The following CDK14 variants were observed in gnomAD, a reference collection of about 807,000 sequenced individuals.
CDK14 encodes cyclin-dependent kinase 14.
Under a neutral mutation model 60.7 loss-of-function variants are expected in CDK14, and 34 were observed. The ratio of observed to expected loss-of-function variants is 0.56; its 90% CI spans 0.43 to 0.75. The LOEUF is 0.75. Among genes scored for constraint, CDK14 ranks in the 30% least tolerant of loss-of-function variants. The pLI is 0.00. For missense variants in CDK14, 482 were observed against 564.1 expected (o/e 0.85, Z 1.47); for synonymous variants, 197 against 203.7 (o/e 0.97, Z 0.28).
At chr7:91,001,539 G>A (rs1795834016) in intron 10 of CDK14, among the ~76,000 whole-genome samples, 1 of 152,160 alleles carries the variant, frequency 6.6e-6, no homozygotes, top group Admixed American at 6.5e-5. Context: ...TCCTTCAATA[G>A]TGGCTCCGTT....
intron 2 of CDK14, among the ~76,000 whole-genome samples, chr7:90,676,368 A>G (rs1179793779): frequency 6.6e-6 from 1 of 152,062 alleles, no homozygotes; most frequent in Non-Finnish European, 1.5e-5. Flanking sequence ...GTGTCAAGGG[A>G]AGAGTGTACC....
intron 2 of CDK14, among the ~76,000 whole-genome samples, chr7:90,648,041 A>T (rs999595406): frequency 7.2e-5 from 11 of 152,044 alleles, no homozygotes; most frequent in Admixed American, 7.2e-4. Context: ...ATAATAAATT[A>T]CTCCTAAACT....
intron 2 of CDK14, among the ~76,000 whole-genome samples, chr7:90,725,163 A>T (rs1802589239): frequency 6.6e-6 from 1 of 152,140 alleles, no homozygotes; most frequent in Non-Finnish European, 1.5e-5. Flanking sequence ...ATGCTTTTCT[A>T]CTTTAGTGGT....
At chr7:90,606,487 C>G (rs1373332947) in intron 2 of CDK14, among the ~76,000 whole-genome samples, 1 of 152,126 alleles carries the variant, frequency 6.6e-6, no homozygotes, top group African/African-American at 2.4e-5. Flanking sequence ...TCATCATCGT[C>G]ATTGATGCTT....
intron 5 of CDK14, among the ~76,000 whole-genome samples, chr7:90,860,444 A>T (rs1790968643): frequency 6.6e-6 from 1 of 152,122 alleles, no homozygotes; most frequent in African/African-American, 2.4e-5. Context: ...TTATTTATAA[A>T]CATAAATCTT....
At chr7:90,870,091 G>A (rs1428520030) in intron 6 of CDK14, among the ~76,000 whole-genome samples, 1 of 152,100 alleles carries the variant, frequency 6.6e-6, no homozygotes, top group African/African-American at 2.4e-5. Context: ...CCTGTTTCCT[G>A]TCAAGATTCA....
intron 4 of CDK14, among the ~76,000 whole-genome samples, chr7:90,766,415 T>A (rs1278112710): frequency 6.6e-6 from 1 of 152,218 alleles, no homozygotes; most frequent in African/African-American, 2.4e-5. Context: ...ATCAGCTACT[T>A]CTTTTTCGTT....
At chr7:91,126,245 GA>G in intron 14 of CDK14, among the ~76,000 whole-genome samples, 1 of 152,102 alleles carries the variant, frequency 6.6e-6, no homozygotes, top group Non-Finnish European at 1.5e-5. Flanking sequence ...AATCTGGAAG[GA>G]AAAAAATTAT....
chr7:91,181,885 A>G (rs764796413), intron 14 of CDK14, among the ~76,000 whole-genome samples: 3 of 152,116 alleles, frequency 2.0e-5, no homozygotes, highest in South Asian at 2.1e-4. Context: ...AGTCTTTTCT[A>G]TCATTGTCTA....
chr7:90,852,031 T>G (rs1379042289), intron 5 of CDK14, among the ~76,000 whole-genome samples: 1 of 152,114 alleles, frequency 6.6e-6, no homozygotes, highest in Non-Finnish European at 1.5e-5. Context: ...CCCGAGTAGC[T>G]GGGACTACAG....
intron 4 of CDK14, 49 bp from the exon 5 acceptor site, chr7:90,790,524 A>G (rs1805788080): frequency 8.0e-7 from 1 of 1,251,406 alleles, no homozygotes; most frequent in Admixed American, 1.8e-5. Context: ...AATTAGAACT[A>G]TAATGGGCAC....
At chr7:90,805,435 AAC>A (rs10543007) in intron 5 of CDK14, among the ~76,000 whole-genome samples, 106,637 of 150,890 alleles carry the variant, frequency 0.71, 37,818 homozygotes, top group East Asian at 0.85. Context: ...GAATTTTCTC[AAC>A]ACACACACAC....
intron 14 of CDK14, among the ~76,000 whole-genome samples, chr7:91,196,735 G>C (rs542231644): frequency 6.6e-6 from 1 of 152,320 alleles, no homozygotes; most frequent in East Asian, 1.9e-4. Context: ...ACAAAAAACA[G>C]AGAAGAAAGC....
At chr7:91,012,635 T>C (rs965546030) in intron 10 of CDK14, among the ~76,000 whole-genome samples, 1 of 152,142 alleles carries the variant, frequency 6.6e-6, no homozygotes, top group African/African-American at 2.4e-5. Context: ...TATTACCCTA[T>C]ATTTAAGTGC....
Position 90,899,366 on chromosome 7 carries a change from CTTT to C in CDK14, c.702+16_702+18del. On this transcript the variant is annotated intron_variant, in intron 7 of 14. Coordinates refer to ENST00000380050, the MANE Select transcript of CDK14 (RefSeq NM_001287135.2). ...AGATAATGTGAAGGTAGGAAAAGAT[CTTT>C]TTAAGCCAAAGGTTAGCATTCTTGA... is the stretch of plus-strand genomic sequence containing the variant. 6.3e-7 allele frequency: 1 copy of C among 1,584,526 alleles called. No individual in the cohort carries two copies. The highest frequency in any genetic ancestry group is 8.6e-7 in the Non-Finnish European group (1 of 1,165,802).
chr7:90,676,074 G>A (rs1321675906), intron 2 of CDK14, among the ~76,000 whole-genome samples: 1 of 152,150 alleles, frequency 6.6e-6, no homozygotes, highest in Non-Finnish European at 1.5e-5. Context: ...CATACTATAT[G>A]CCTGTAATCT....
intron 2 of CDK14, among the ~76,000 whole-genome samples, chr7:90,639,092 C>T (rs183228861): frequency 2.0e-4 from 31 of 152,268 alleles, no homozygotes; most frequent in Admixed American, 6.5e-4. Context: ...TCCTGTAGCT[C>T]GGAGTAATTT....
intron 5 of CDK14, among the ~76,000 whole-genome samples, chr7:90,832,700 A>G (rs576868298): frequency 2.0e-5 from 3 of 152,232 alleles, no homozygotes; most frequent in Non-Finnish European, 4.4e-5. Context: ...TATACAATGC[A>G]GGAAACACTT....
At chr7:91,087,269 C>A (rs1182562718) in intron 12 of CDK14, among the ~76,000 whole-genome samples, 3 of 152,108 alleles carry the variant, frequency 2.0e-5, no homozygotes, top group African/African-American at 4.8e-5. Flanking sequence ...CTTATTAACA[C>A]CTGCATCTAA....
Sources: gnomAD v4.1 joint callset for allele counts (sites outside exome capture counted in the v4.1 genomes callset) on GRCh38, gnomAD v4.1.1 for gene constraint, MANE v1.5 for transcripts, NCBI Gene and HGNC (gene_info 2026-07-23, HGNC 2026-07-21) for gene names.